ST6GALNAC3: variants seen among roughly 807,000 people sequenced by gnomAD.
ST6GALNAC3 encodes alpha-N-acetylgalactosaminide alpha-2,6-sialyltransferase 3.
ST6GALNAC3 carries 25 observed loss-of-function variants against 32.7 expected under a neutral mutation model. The ratio of observed to expected loss-of-function variants is 0.76; its 90% CI spans 0.56 to 1.07. The LOEUF is 1.07. Ranked by LOEUF, ST6GALNAC3 falls within the 50% of genes least tolerant of loss-of-function variation. The pLI, the probability that ST6GALNAC3 is intolerant of heterozygous loss-of-function variation, is 0.00. For missense variants in ST6GALNAC3, 355 were observed against 382.4 expected, an observed-to-expected ratio of 0.93 and a Z score of 0.60; for synonymous variants, 129 against 133.1, an observed-to-expected ratio of 0.97 and a Z score of 0.21.
intron 3 of ST6GALNAC3, among the ~76,000 whole-genome samples, chr1:76,460,653 G>A (rs1407104435): frequency 6.6e-6 from 1 of 152,180 alleles, no homozygotes; most frequent in Non-Finnish European, 1.5e-5. Context: ...ATTGCCGAAT[G>A]ACTCTGACTT....
intron 3 of ST6GALNAC3, among the ~76,000 whole-genome samples, chr1:76,454,519 T>C (rs1225666025): frequency 6.6e-6 from 1 of 152,154 alleles, no homozygotes; most frequent in African/African-American, 2.4e-5. Context: ...TGAAAAAGAC[T>C]ATATCTTTCC....
intron 1 of ST6GALNAC3, among the ~76,000 whole-genome samples, chr1:76,174,688 A>G (rs1391336280): frequency 7.5e-6 from 1 of 132,790 alleles, no homozygotes; most frequent in Non-Finnish European, 1.6e-5. Context: ...TTTTTTTGAG[A>G]TGGAGTCTCT....
chr1:76,100,799 T>A (rs1341886055), intron 1 of ST6GALNAC3, among the ~76,000 whole-genome samples: 1 of 135,624 alleles, frequency 7.4e-6, no homozygotes, highest in African/African-American at 3.3e-5. Flanking sequence ...CATCAGAATC[T>A]GTTTTTTTTT....
intron 3 of ST6GALNAC3, among the ~76,000 whole-genome samples, chr1:76,612,024 G>A (rs554365252): frequency 6.4e-4 from 98 of 152,246 alleles, no homozygotes; most frequent in African/African-American, 2.0e-3. Flanking sequence ...AGACACCTGC[G>A]ACTTGATAAA....
At chr1:76,474,401 T>A (rs1227025057) in intron 3 of ST6GALNAC3, among the ~76,000 whole-genome samples, 6 of 152,040 alleles carry the variant, frequency 3.9e-5, no homozygotes, top group Admixed American at 2.0e-4. Flanking sequence ...CATGATTGGA[T>A]CTGGGACAAA....
intron 1 of ST6GALNAC3, among the ~76,000 whole-genome samples, chr1:76,131,320 A>G (rs1034965951): frequency 3.9e-5 from 6 of 152,206 alleles, no homozygotes; most frequent in Admixed American, 3.3e-4. Flanking sequence ...AGAAGATGCC[A>G]TCTATTAAAC....
At chr1:76,180,449 G>A (rs12138975) in intron 1 of ST6GALNAC3, among the ~76,000 whole-genome samples, 29,862 of 152,022 alleles carry the variant, frequency 0.2, 3,067 homozygotes, top group African/African-American at 0.22. Flanking sequence ...GGAAGAGGGC[G>A]GTTCCCTTAC....
chr1:76,478,757 A>ATTTTT (rs1249648409), intron 3 of ST6GALNAC3, among the ~76,000 whole-genome samples: 12 of 119,546 alleles, frequency 1.0e-4, no homozygotes, highest in East Asian at 5.0e-4. Flanking sequence ...TAGTTTATTA[A>ATTTTT]TTCTTTTTTT....
chr1:76,350,184 G>T (rs1445404594), intron 2 of ST6GALNAC3, among the ~76,000 whole-genome samples: 1 of 151,870 alleles, frequency 6.6e-6, no homozygotes, highest in Non-Finnish European at 1.5e-5. Flanking sequence ...ATTTTAAAAA[G>T]GTTATTTTTG....
In ST6GALNAC3 at chr1:76,629,562, G is replaced by GTTAT; in HGVS notation, c.*759_*762dup. The GTTAT allele has an allele frequency of 1.0e-6, 1 of 984,742 alleles. No individual in the cohort carries two copies. The highest frequency in any genetic ancestry group is 1.2e-6 in the Non-Finnish European group (1 of 829,078). 61.0% of individuals were successfully genotyped at this position (984,742 alleles called of 1,614,324 possible). A position where few individuals can be genotyped will look rare whatever the true frequency, so the allele number is the denominator to read the frequency against. On this transcript the variant is annotated 3_prime_UTR_variant, in exon 5 of 5. Transcript: ENST00000328299. ...TTAGAATGATCTATATTAATGTTTA[G>GTTAT]TTATTTTTGGTTGAGTGCTAAATAT...
chr1:76,188,220 G>A (rs1415229997), intron 1 of ST6GALNAC3, among the ~76,000 whole-genome samples: 1 of 152,138 alleles, frequency 6.6e-6, no homozygotes, highest in Admixed American at 6.5e-5. Context: ...AAATTAGCTG[G>A]TTGTGGTGGC....
At chr1:76,539,159 A>G (rs1663819645) in intron 3 of ST6GALNAC3, among the ~76,000 whole-genome samples, 1 of 152,198 alleles carries the variant, frequency 6.6e-6, no homozygotes, top group Admixed American at 6.5e-5. Flanking sequence ...GTACTAGACC[A>G]AAACAGACAT....
intron 3 of ST6GALNAC3, among the ~76,000 whole-genome samples, chr1:76,513,706 G>A (rs12141224): frequency 0.1 from 15,692 of 152,058 alleles, 1,011 homozygotes; most frequent in East Asian, 0.22. Flanking sequence ...GGTATTTGGT[G>A]TTTTGATAAG....
chr1:76,204,377 A>G (rs1654705746), intron 1 of ST6GALNAC3, among the ~76,000 whole-genome samples: 1 of 152,190 alleles, frequency 6.6e-6, no homozygotes, highest in African/African-American at 2.4e-5. Context: ...TGAAAACTTA[A>G]TCTTCTTATC....
chr1:76,225,111 T>C (rs1408293089), intron 1 of ST6GALNAC3, among the ~76,000 whole-genome samples: 1 of 151,954 alleles, frequency 6.6e-6, no homozygotes, highest in African/African-American at 2.4e-5. Context: ...TGAGAAACAG[T>C]ACCCACCTGC....
intron 3 of ST6GALNAC3, among the ~76,000 whole-genome samples, chr1:76,536,443 G>T (rs1663603447): frequency 6.6e-6 from 1 of 152,024 alleles, no homozygotes; most frequent in African/African-American, 2.4e-5. Context: ...AGAAGGAGAA[G>T]TGCAAAGCAA....
chr1:76,479,981 C>CGG, intron 3 of ST6GALNAC3, among the ~76,000 whole-genome samples: 1 of 151,836 alleles, frequency 6.6e-6, no homozygotes, highest in East Asian at 1.9e-4. Context: ...ATGTACTGAC[C>CGG]TGAAAGTAGT....
chr1:76,223,931 T>C (rs1232029344), intron 1 of ST6GALNAC3, among the ~76,000 whole-genome samples: 1 of 152,222 alleles, frequency 6.6e-6, no homozygotes, highest in African/African-American at 2.4e-5. Context: ...TGCAAACTTC[T>C]GTGTGTAGAG....
intron 1 of ST6GALNAC3, chr1:76,310,023 A>C (rs1334122190): frequency 2.0e-5 from 10 of 490,560 alleles, no homozygotes; most frequent in African/African-American, 3.9e-5. Context: ...CAGAAAGGCT[A>C]TCCACATCTT....
Sources: gnomAD v4.1 joint callset for allele counts (sites outside exome capture counted in the v4.1 genomes callset) on GRCh38, gnomAD v4.1.1 for gene constraint, MANE v1.5 for transcripts, NCBI Gene and HGNC (gene_info 2026-07-23, HGNC 2026-07-21) for gene names.